Variants in HOXC4 observed in about 807,000 individuals in gnomAD.
The protein encoded by HOXC4 is homeobox protein Hox-C4.
In HOXC4, 15 loss-of-function variants were observed where a neutral mutation model predicts 25.5. The ratio of observed to expected loss-of-function variants is 0.59; its 90% CI spans 0.39 to 0.91. HOXC4 has a LOEUF of 0.91. Ranked by LOEUF, HOXC4 falls within the 40% of genes least tolerant of loss-of-function variation. The probability of loss-of-function intolerance (pLI) is 0.00; values close to 1 mark genes in which losing one functional copy is unlikely to be tolerated. For missense variants in HOXC4, 342 were observed against 352.4 expected, an observed-to-expected ratio of 0.97 and a Z score of 0.24; for synonymous variants, 165 against 148.0, an observed-to-expected ratio of 1.11 and a Z score of -0.83.
At chr12:54,047,505 C>T (rs1006434604) in intron 1 of HOXC4, among the ~76,000 whole-genome samples, 1 of 152,272 alleles carries the variant, frequency 6.6e-6, no homozygotes, top group Non-Finnish European at 1.5e-5. Context: ...CGGGAGGACT[C>T]GGAAATACAC....
chr12:54,029,403 G>GCCCCCC (rs1234645036), intron 1 of HOXC4, among the ~76,000 whole-genome samples: 1 of 58,830 alleles, frequency 1.7e-5, no homozygotes, highest in Non-Finnish European at 3.5e-5. Flanking sequence ...CTTTTGCCCC[G>GCCCCCC]CCCCCCCGCC....
chr12:54,035,447 T>A (rs754384980), intron 1 of HOXC4: 2 of 152,412 alleles, frequency 1.3e-5, no homozygotes, highest in African/African-American at 4.8e-5. Flanking sequence ...ACCCACAAAC[T>A]TTAAGCCACC....
chr12:54,030,093 T>G (rs965238815), intron 1 of HOXC4: 1 of 929,576 alleles, frequency 1.1e-6, no homozygotes. Context: ...AATTAGGGAG[T>G]CAAACGTGGA....
intron 1 of HOXC4, among the ~76,000 whole-genome samples, chr12:54,044,177 C>T (rs1937645401): frequency 6.6e-6 from 1 of 151,994 alleles, no homozygotes; most frequent in African/African-American, 2.4e-5. Flanking sequence ...AATCACTCTC[C>T]CCCAAAGCTG....
intron 1 of HOXC4, among the ~76,000 whole-genome samples, 160 bp downstream of exon 1, chr12:54,054,521 G>T (rs1030623107): frequency 6.6e-5 from 10 of 151,736 alleles, no homozygotes; most frequent in African/African-American, 2.2e-4. Flanking sequence ...TTACGAGCGA[G>T]AATGGGTAAT....
intron 1 of HOXC4, chr12:54,034,127 G>A: frequency 1.3e-6 from 1 of 774,414 alleles, no homozygotes; most frequent in Non-Finnish European, 2.3e-6. Context: ...GGGCTGGGCT[G>A]GGCTGGCCCG....
At chr12:54,038,708 C>A (rs1592242190) in intron 1 of HOXC4, among the ~76,000 whole-genome samples, 1 of 152,168 alleles carries the variant, frequency 6.6e-6, no homozygotes, top group African/African-American at 2.4e-5. Context: ...GTCTTCCTGG[C>A]ATTCCCAGCC....
At chr12:54,026,968 G>GT (rs1042785357) in intron 1 of HOXC4, among the ~76,000 whole-genome samples, 1 of 135,122 alleles carries the variant, frequency 7.4e-6, no homozygotes, top group East Asian at 2.3e-4. Context: ...AAATGGTGGG[G>GT]GGGGGGGGAT....
intron 1 of HOXC4, chr12:54,033,656 C>A: frequency 8.2e-7 from 1 of 1,225,472 alleles, no homozygotes; most frequent in Non-Finnish European, 1.1e-6. Context: ...AGAAAAAAAA[C>A]CTGCGGCCAT....
chr12:54,051,600 TA>T (rs1811628144), upstream of HOXC4, among the ~76,000 whole-genome samples: 1 of 152,196 alleles, frequency 6.6e-6, no homozygotes, highest in African/African-American at 2.4e-5. Flanking sequence ...GAATCTCCAT[TA>T]GAGGTGTTCA....
intron 1 of HOXC4, among the ~76,000 whole-genome samples, chr12:54,032,028 A>G (rs912849124): frequency 1.3e-5 from 2 of 152,192 alleles, no homozygotes; most frequent in African/African-American, 4.8e-5. Flanking sequence ...GGAGGCTTCA[A>G]TCTTGCTTCT....
chr12:54,038,824 A>C (rs1165619382), intron 1 of HOXC4, among the ~76,000 whole-genome samples: 1 of 152,110 alleles, frequency 6.6e-6, no homozygotes, highest in African/African-American at 2.4e-5. Flanking sequence ...TGTCTTTGCT[A>C]GGCTGGGAAA....
chr12:54,039,593 T>C (rs73112556), intron 1 of HOXC4, among the ~76,000 whole-genome samples: 13 of 151,858 alleles, frequency 8.6e-5, no homozygotes, highest in Non-Finnish European at 1.6e-4. Flanking sequence ...AAAAACTAAT[T>C]ATCAGTTTCT....
At chr12:54,054,813 C>T (rs746926700) in intron 1 of HOXC4, 37 bp from the exon 2 acceptor site, 5 of 1,453,312 alleles carry the variant, frequency 3.4e-6, no homozygotes, top group Non-Finnish European at 4.8e-6. Flanking sequence ...AGCCTGCTGC[C>T]TCTGAACCCC....
chr12:54,017,935 T>C (rs924984010), intron 1 of HOXC4, among the ~76,000 whole-genome samples: 3 of 151,874 alleles, frequency 2.0e-5, no homozygotes, highest in Non-Finnish European at 4.4e-5. Context: ...GCGCGACTGC[T>C]AGAGCTCACA....
rs771189016 is a variant in HOXC4, at chr12:54,033,353, C to G, written c.-124+15939C>G. ...CTCACCCCGACCGCCCCGCCTGCAG[C>G]GCCGCGGCCGCTCCGGGACACGCTC... On this transcript the variant is annotated intron_variant, in intron 1 of 3. Coordinates refer to the HOXC4 transcript ENST00000303406. 54 of 1,612,612 alleles carry G rather than the reference C, an allele frequency of 3.3e-5. No individual in the cohort carries two copies. The Admixed American group carries it at 8.7e-4, about 26-fold the overall frequency.
At position 54,055,162 on chromosome 12, in the gene HOXC4, C is replaced by G. The variant is rs1014474428; in HGVS notation, c.752C>G (p.Thr251Arg). The change falls in exon 2 of 2, where the codon ACG becomes AGG. Residue 251 changes from threonine (T) to arginine (R), a missense_variant. Physicochemically the swap from Thr to Arg is moderately conservative, Grantham distance 71. Transcript: ENST00000430889. ...GTSEDHSQSA[T>R]PPEQQRAEDI... ...TCTGAAGACCACTCCCAGAGCGCCA[C>G]GCCGCCGGAGCAGCAACGGGCAGAG... 5 of 1,611,690 alleles carry G rather than the reference C, an allele frequency of 3.1e-6. No individual in the cohort carries two copies. Among genetic ancestry groups the G allele is most frequent in the African/African-American group, 1.3e-5 (1 of 74,754 alleles).
chr12:54,033,356 C>G, intron 1 of HOXC4: 2 of 1,612,758 alleles, frequency 1.2e-6, no homozygotes, highest in Non-Finnish European at 1.7e-6. Context: ...CCTGCAGCGC[C>G]GCGGCCGCTC....
Position 54,029,573 on chromosome 12 carries a change from G to A in HOXC4, c.-124+12159G>A, listed in dbSNP as rs932549537. On this transcript the variant is annotated intron_variant, in intron 1 of 3. Coordinates refer to the HOXC4 transcript ENST00000303406. The stretch of plus-strand genomic sequence containing the variant: ...TGTGAGCTGCTGGCCAGGTTGGGAG[G>A]GTCAGGACTTTGCTAGGCGAAACAG... The A allele has an allele frequency of 2.8e-6, 4 of 1,448,968 alleles. No individual in the cohort carries two copies. The African/African-American group carries it at 4.2e-5, about 15-fold the overall frequency. The allele number at this position is 1,448,968 out of a possible 1,614,324, so 89.8% of individuals were successfully genotyped here.
Sources: allele counts gnomAD v4.1 joint callset (sites outside exome capture counted in the v4.1 genomes callset), GRCh38; gene constraint gnomAD v4.1.1; transcripts MANE v1.5; gene names NCBI Gene and HGNC (gene_info 2026-07-23, HGNC 2026-07-21).